The following CCR3 variants were observed in gnomAD, a reference collection of about 807,000 sequenced individuals.
The protein encoded by CCR3 is C-C motif chemokine receptor 3, also known as C-C chemokine receptor type 3.
For synonymous variants in CCR3, 203 were observed against 179.2 expected (o/e 1.13, Z -1.06); for missense variants, 419 against 437.5 (o/e 0.96, Z 0.38).
rs756281359 is a variant in CCR3, at chr3:46,265,895, C to T, written c.737C>T (p.Ala246Val). The change falls in exon 2 of 2, where the codon GCG becomes GTG. Residue 246 changes from alanine (A) to valine (V), a missense_variant. By Grantham distance (64) the Ala-to-Val change is moderately conservative (BLOSUM62 0). Transcript: ENST00000395940. ...ATCCGGCTCATTTTTGTCATCATGG[C>T]GGTGTTTTTCATTTTCTGGACACCC... The part of the protein sequence containing the change: ...KAIRLIFVIM[A>V]VFFIFWTPYN... 16 of 1,613,968 alleles carry T rather than the reference C, an allele frequency of 9.9e-6. No individual in the cohort carries two copies. The highest frequency in any genetic ancestry group is 3.3e-5 in the Admixed American group (2 of 59,992).
intron 2 of CCR3, among the ~76,000 whole-genome samples, chr3:46,218,046 A>T (rs1407892216): frequency 6.6e-6 from 1 of 152,092 alleles, no homozygotes; most frequent in Non-Finnish European, 1.5e-5. Flanking sequence ...CTTTGAAAAG[A>T]TAAGCAAAAT....
At chr3:46,257,431 T>C (rs1025618690) in intron 1 of CCR3, among the ~76,000 whole-genome samples, 1 of 150,706 alleles carries the variant, frequency 6.6e-6, no homozygotes, top group African/African-American at 2.4e-5. Flanking sequence ...CCCAGGCTTT[T>C]TTTTTTTTTT....
upstream of CCR3, among the ~76,000 whole-genome samples, chr3:46,239,732 C>T (rs535596199): frequency 1.3e-5 from 2 of 152,286 alleles, no homozygotes; most frequent in African/African-American, 4.8e-5. Flanking sequence ...TGGTCTACTG[C>T]GTAGTCCCAG....
At position 46,265,132 on chromosome 3, in the gene CCR3, T is replaced by C; in HGVS notation, c.-11-16T>C. The C allele has an allele frequency of 6.7e-7, 1 of 1,498,372 alleles. No individual in the cohort carries two copies. The highest frequency in any genetic ancestry group is 9.2e-7 in the Non-Finnish European group (1 of 1,087,686). 92.8% of individuals were successfully genotyped at this position (1,498,372 alleles called of 1,614,324 possible). On this transcript the variant is annotated splice_polypyrimidine_tract_variant and intron_variant, in intron 1 of 1. Transcript: ENST00000395940. ...ATGCTTCATTGTGGGATTGTATTTTTCTTCTTCTATCACAGGGAGAAGTGA... is the reference window on the plus strand; with the variant it reads ...ATGCTTCATTGTGGGATTGTATTTTCCTTCTTCTATCACAGGGAGAAGTGA...
At chr3:46,238,437 G>A (rs145386788), upstream of CCR3, among the ~76,000 whole-genome samples, 767 of 151,112 alleles carry the variant, frequency 5.1e-3, 8 homozygotes, top group Non-Finnish European at 9.5e-3. Flanking sequence ...GTCGAGTGCA[G>A]TGCATTTACT....
chr3:46,218,185 A>G (rs1311586689), intron 2 of CCR3, among the ~76,000 whole-genome samples: 1 of 152,126 alleles, frequency 6.6e-6, no homozygotes, highest in Non-Finnish European at 1.5e-5. Context: ...GGCTACTATA[A>G]GCAAACTTAT....
chr3:46,232,667 A>G (rs966280480), intron 2 of CCR3, among the ~76,000 whole-genome samples: 1 of 152,126 alleles, frequency 6.6e-6, no homozygotes, highest in Non-Finnish European at 1.5e-5. Flanking sequence ...GCCATTCTGG[A>G]TGTGATGTTG....
chr3:46,237,062 G>T (rs1207568580), intron 2 of CCR3, among the ~76,000 whole-genome samples: 1 of 152,016 alleles, frequency 6.6e-6, no homozygotes, highest in Non-Finnish European at 1.5e-5. Flanking sequence ...ATTCATTTAT[G>T]GCTGAATAAT....
chr3:46,245,429 C>T (rs1046001283), intron 1 of CCR3, among the ~76,000 whole-genome samples: 3 of 149,160 alleles, frequency 2.0e-5, no homozygotes, highest in East Asian at 1.9e-4. Context: ...TTCTATCTTA[C>T]GTGGGCCTAA....
chr3:46,211,441 C>T (rs1357606288), intron 2 of CCR3, among the ~76,000 whole-genome samples: 2 of 151,566 alleles, frequency 1.3e-5, no homozygotes, highest in African/African-American at 4.9e-5. Flanking sequence ...CTAGGTTGGT[C>T]TCAAACTCAT....
intron 2 of CCR3, among the ~76,000 whole-genome samples, chr3:46,220,162 C>A (rs1298287160): frequency 2.0e-5 from 3 of 152,048 alleles, no homozygotes. Flanking sequence ...ATAATCCCAT[C>A]AAAAAGCGGG....
chr3:46,249,840 G>A (rs1407205068), intron 1 of CCR3, among the ~76,000 whole-genome samples: 1 of 151,882 alleles, frequency 6.6e-6, no homozygotes, highest in East Asian at 1.9e-4. Context: ...ATGTGGCTGG[G>A]GTTTGTCTCA....
chr3:46,220,860 G>A (rs1699827893), intron 2 of CCR3, among the ~76,000 whole-genome samples: 3 of 152,088 alleles, frequency 2.0e-5, no homozygotes, highest in South Asian at 4.1e-4. Flanking sequence ...ACGGAAGGGT[G>A]GGAAAGAGAC....
At chr3:46,229,926 C>T (rs554475986) in intron 2 of CCR3, among the ~76,000 whole-genome samples, 13 of 152,178 alleles carry the variant, frequency 8.5e-5, no homozygotes, top group African/African-American at 2.9e-4. Flanking sequence ...TGGTCCCAGG[C>T]AGAGCCCTTA....
At chr3:46,210,953 A>C (rs553278093) in intron 2 of CCR3, 12 of 152,346 alleles carry the variant, frequency 7.9e-5, no homozygotes, top group Admixed American at 7.2e-4. Flanking sequence ...GTCACATGGA[A>C]GCTTGAAGGA....
intron 1 of CCR3, among the ~76,000 whole-genome samples, chr3:46,258,012 C>T (rs1457689621): frequency 2.0e-5 from 3 of 152,178 alleles, no homozygotes; most frequent in Non-Finnish European, 4.4e-5. Context: ...GACCAATTTG[C>T]GTTCTGTAAT....
At chr3:46,229,829 G>A (rs1424259780) in intron 2 of CCR3, among the ~76,000 whole-genome samples, 1 of 152,040 alleles carries the variant, frequency 6.6e-6, no homozygotes, top group African/African-American at 2.4e-5. Context: ...CGTGTGCAAG[G>A]AATATATTAA....
At chr3:46,237,665 A>G (rs1700038485), upstream of CCR3, among the ~76,000 whole-genome samples, 1 of 152,248 alleles carries the variant, frequency 6.6e-6, no homozygotes, top group Admixed American at 6.5e-5. Context: ...TTTTCCCAGC[A>G]GCATGTATTG....
upstream of CCR3, among the ~76,000 whole-genome samples, chr3:46,241,166 G>GCTCTCTCTCTCTCTCT (rs58133632): frequency 9.2e-4 from 137 of 149,314 alleles, 2 homozygotes; most frequent in African/African-American, 2.7e-3. Context: ...ATGTGTGTGC[G>GCTCTCTCTCTCTCTCT]CTCTCTCTCT....
Sources: gnomAD v4.1 joint callset for allele counts (sites outside exome capture counted in the v4.1 genomes callset) on GRCh38, gnomAD v4.1.1 for gene constraint, MANE v1.5 for transcripts, NCBI Gene and HGNC (gene_info 2026-07-23, HGNC 2026-07-21) for gene names.